Variants in LPP observed in about 807,000 individuals in gnomAD.
LPP encodes lipoma-preferred partner.
A neutral mutation model predicts 60.4 loss-of-function variants in LPP; 38 were observed. The ratio of observed to expected loss-of-function variants is 0.63; its 90% CI spans 0.49 to 0.83. The LOEUF is 0.83. Among genes scored for constraint, LPP ranks in the 40% least tolerant of loss-of-function variants. LPP has a pLI of 0.00. For missense variants in LPP, 902 were observed against 783.6 expected (o/e 1.15, Z -1.80); for synonymous variants, 328 against 290.8 (o/e 1.13, Z -1.30).
At chr3:188,447,802 G>A (rs981631033) in intron 4 of LPP, among the ~76,000 whole-genome samples, 19 of 151,780 alleles carry the variant, frequency 1.3e-4, no homozygotes, top group African/African-American at 3.9e-4. Flanking sequence ...GTGACTCTCC[G>A]GGATTCTATA....
chr3:188,760,818 G>A (rs532586345), intron 9 of LPP, among the ~76,000 whole-genome samples: 1 of 152,226 alleles, frequency 6.6e-6, no homozygotes, highest in South Asian at 2.1e-4. Flanking sequence ...GCAAACAGGG[G>A]AACTGTTTAT....
intron 5 of LPP, among the ~76,000 whole-genome samples, chr3:188,509,629 C>CCTT (rs1311230822): frequency 2.9e-5 from 1 of 34,056 alleles, no homozygotes; most frequent in Non-Finnish European, 6.2e-5. Flanking sequence ...TTGTCCCCTT[C>CCTT]CTTCCTTCCT....
At chr3:188,563,458 A>ATGTGTGTGTGTGTGTG (rs966931196) in intron 6 of LPP, among the ~76,000 whole-genome samples, 185 of 76,060 alleles carry the variant, frequency 2.4e-3, no homozygotes, top group South Asian at 0.015. Flanking sequence ...ATTTACATAT[A>ATGTGTGTGTGTGTGTG]TATGTGTGTG....
chr3:188,445,078 G>T (rs1487698030), intron 4 of LPP, among the ~76,000 whole-genome samples: 1 of 152,170 alleles, frequency 6.6e-6, no homozygotes, highest in Admixed American at 6.5e-5. Context: ...AGACAGTCTG[G>T]TCATTCCTCA....
chr3:188,676,881 A>G (rs1576982291), intron 7 of LPP, among the ~76,000 whole-genome samples: 2 of 152,298 alleles, frequency 1.3e-5, no homozygotes, highest in East Asian at 1.9e-4. Flanking sequence ...ATTGTGTTAT[A>G]TAAGACTGTA....
intron 4 of LPP, among the ~76,000 whole-genome samples, chr3:188,457,702 C>G (rs909446107): frequency 1.4e-5 from 2 of 147,428 alleles, no homozygotes; most frequent in Non-Finnish European, 3.0e-5. Flanking sequence ...ATCATCCTGG[C>G]TAACATGATG....
chr3:188,194,583 G>A (rs1304682107), intron 1 of LPP, among the ~76,000 whole-genome samples: 3 of 152,150 alleles, frequency 2.0e-5, no homozygotes, highest in Non-Finnish European at 4.4e-5. Context: ...AGGAAAATCA[G>A]GTTGACCACA....
intron 3 of LPP, among the ~76,000 whole-genome samples, chr3:188,368,680 TCTCACACA>T (rs1378480006): frequency 2.1e-5 from 2 of 95,290 alleles, no homozygotes; most frequent in African/African-American, 4.2e-5. Flanking sequence ...ACACACACAC[TCTCACACA>T]CACACACACA....
intron 6 of LPP, among the ~76,000 whole-genome samples, chr3:188,586,516 A>G (rs1467511704): frequency 6.6e-6 from 1 of 152,302 alleles, no homozygotes; most frequent in Non-Finnish European, 1.5e-5. Context: ...CTGTTAAACT[A>G]ATAAAAGTCG....
At chr3:188,325,279 CCT>C (rs1366209159) in intron 2 of LPP, among the ~76,000 whole-genome samples, 9 of 152,286 alleles carry the variant, frequency 5.9e-5, no homozygotes, top group Non-Finnish European at 1.3e-4. Context: ...CTGCGCCTGG[CCT>C]CTCTGCTTTT....
intron 2 of LPP, among the ~76,000 whole-genome samples, chr3:188,241,761 A>T (rs1724958034): frequency 6.6e-6 from 1 of 152,188 alleles, no homozygotes; most frequent in Admixed American, 6.5e-5. Context: ...TATATACGTA[A>T]TTTCAGATGA....
intron 7 of LPP, among the ~76,000 whole-genome samples, chr3:188,678,124 A>G (rs1858536260): frequency 6.6e-6 from 1 of 151,936 alleles, no homozygotes; most frequent in African/African-American, 2.4e-5. Flanking sequence ...TTTCCTTATA[A>G]CTCTTAACAC....
At chr3:188,249,901 ATT>A (rs372331542) in intron 2 of LPP, among the ~76,000 whole-genome samples, 21,848 of 87,586 alleles carry the variant, frequency 0.25, 2,181 homozygotes, top group African/African-American at 0.35. Flanking sequence ...ATATATATAT[ATT>A]TTTTTTTTTT....
chr3:188,314,811 C>T (rs143106806), intron 2 of LPP, among the ~76,000 whole-genome samples: 13 of 152,242 alleles, frequency 8.5e-5, no homozygotes, highest in Non-Finnish European at 1.6e-4. Context: ...GAGAGAGACT[C>T]CATCTCAAAA....
chr3:188,213,509 T>A (rs1712136909), intron 1 of LPP, among the ~76,000 whole-genome samples: 1 of 152,156 alleles, frequency 6.6e-6, no homozygotes, highest in African/African-American at 2.4e-5. Context: ...AATTGGGAGA[T>A]GTTAGAACTG....
chr3:188,826,208 C>T (rs973197585), intron 9 of LPP, among the ~76,000 whole-genome samples: 24 of 152,322 alleles, frequency 1.6e-4, no homozygotes, highest in African/African-American at 5.8e-4. Context: ...GAGAAGCCTA[C>T]GCTTTCCTAC....
chr3:188,872,589 C>T, intron 10 of LPP, 54 bp from the exon 11 acceptor site: 4 of 1,609,938 alleles, frequency 2.5e-6, no homozygotes, highest in Non-Finnish European at 3.4e-6. Flanking sequence ...ACCTCTGCGT[C>T]CCACCTCAGT....
chr3:188,646,783 T>G (rs1409876585), intron 7 of LPP, among the ~76,000 whole-genome samples: 1 of 152,182 alleles, frequency 6.6e-6, no homozygotes. Context: ...AAAACACAAG[T>G]TCCCTTTCTA....
intron 3 of LPP, among the ~76,000 whole-genome samples, chr3:188,400,632 GCAGCTCCC>G (rs1352413278): frequency 6.6e-6 from 1 of 152,204 alleles, no homozygotes; most frequent in Non-Finnish European, 1.5e-5. Context: ...TGAGGAAGCA[GCAGCTCCC>G]CAGCTCCCTT....
Sources: allele counts gnomAD v4.1 joint callset (sites outside exome capture counted in the v4.1 genomes callset), GRCh38; gene constraint gnomAD v4.1.1; transcripts MANE v1.5; gene names NCBI Gene and HGNC (gene_info 2026-07-23, HGNC 2026-07-21).